The following ZFPM2 variants were observed in gnomAD, a reference collection of about 807,000 sequenced individuals.
The protein encoded by ZFPM2 is zinc finger protein ZFPM2.
Under a neutral mutation model 98.6 loss-of-function variants are expected in ZFPM2, and 20 were observed. The ratio of observed to expected loss-of-function variants is 0.20; its 90% CI spans 0.14 to 0.29. The LOEUF is 0.29. ZFPM2 is among the 10% of genes least tolerant of loss of function. The probability of loss-of-function intolerance (pLI) is 1.00; values close to 1 mark genes in which losing one functional copy is unlikely to be tolerated. For missense variants in ZFPM2, 1,310 were observed against 1,388.6 expected (o/e 0.94, Z 0.90); for synonymous variants, 518 against 502.7 (o/e 1.03, Z -0.41).
At chr8:105,691,057 T>C (rs1030904818) in intron 5 of ZFPM2, 1 of 152,110 alleles carries the variant, frequency 6.6e-6, no homozygotes, top group African/African-American at 2.4e-5. Flanking sequence ...GAAATTCTTA[T>C]TATCCTCTCC....
At chr8:105,602,716 G>T (rs768494382) in intron 4 of ZFPM2, among the ~76,000 whole-genome samples, 3 of 151,912 alleles carry the variant, frequency 2.0e-5, no homozygotes, top group African/African-American at 4.8e-5. Context: ...ACTTGCTTCT[G>T]TTATTCTGGC....
intron 5 of ZFPM2, among the ~76,000 whole-genome samples, chr8:105,757,432 A>T (rs3779779): frequency 0.28 from 41,830 of 152,078 alleles, 7,438 homozygotes; most frequent in African/African-American, 0.49. Flanking sequence ...CCTATATTAA[A>T]GGGAATGTTT....
chr8:105,776,126 A>T (rs530056131), intron 5 of ZFPM2, among the ~76,000 whole-genome samples: 103 of 152,022 alleles, frequency 6.8e-4, no homozygotes, highest in African/African-American at 2.3e-3. Context: ...AATACAAGCC[A>T]CGAAGCAAAA....
Position 105,441,009 on chromosome 8 carries a change from G to A in ZFPM2, c.200-3271G>A, listed in dbSNP as rs1238011432. On this transcript the variant is annotated intron_variant, in intron 2 of 7. Transcript: ENST00000407775. ...TACTAAAAATACAAAAAAAAAATTAGCCAGGCATGGTGGCGCCTGCCTGTA... is the reference window on the plus strand; with the variant it reads ...TACTAAAAATACAAAAAAAAAATTAACCAGGCATGGTGGCGCCTGCCTGTA... Among the ~76,000 whole-genome samples the A allele has an allele frequency of 7.9e-5, 12 of 151,924 alleles. No homozygotes were observed. The East Asian group carries it at 1.9e-3, about 25-fold the overall frequency.
chr8:105,382,194 C>T (rs996866607), intron 1 of ZFPM2, among the ~76,000 whole-genome samples: 6 of 151,960 alleles, frequency 3.9e-5, no homozygotes, highest in Non-Finnish European at 8.8e-5. Flanking sequence ...AATTATACTT[C>T]TATTATTTCT....
chr8:105,672,690 T>C (rs1449492246), intron 5 of ZFPM2, among the ~76,000 whole-genome samples: 1 of 152,170 alleles, frequency 6.6e-6, no homozygotes, highest in Non-Finnish European at 1.5e-5. Flanking sequence ...AAAATTTCAC[T>C]AATATTGCTG....
At chr8:105,696,521 T>C (rs1290576787) in intron 5 of ZFPM2, among the ~76,000 whole-genome samples, 3 of 152,202 alleles carry the variant, frequency 2.0e-5, no homozygotes, top group Admixed American at 6.5e-5. Flanking sequence ...TCCACTTTAT[T>C]TGCTACCAAA....
intron 5 of ZFPM2, among the ~76,000 whole-genome samples, chr8:105,734,056 C>G (rs1290831903): frequency 1.3e-5 from 2 of 151,836 alleles, no homozygotes; most frequent in Non-Finnish European, 2.9e-5. Context: ...GGTATACTGC[C>G]CTTGACTGCC....
intron 1 of ZFPM2, among the ~76,000 whole-genome samples, chr8:105,320,346 C>G (rs140925486): frequency 6.6e-6 from 1 of 151,370 alleles, no homozygotes; most frequent in Admixed American, 6.6e-5. Flanking sequence ...TCGATTCCTT[C>G]TCTTATACTT....
intron 1 of ZFPM2, among the ~76,000 whole-genome samples, chr8:105,362,639 T>A (rs1024279038): frequency 6.6e-6 from 1 of 152,218 alleles, no homozygotes; most frequent in African/African-American, 2.4e-5. Flanking sequence ...GGCATACTTA[T>A]GTTAATAAAA....
At chr8:105,660,193 G>A (rs901586578) in intron 5 of ZFPM2, among the ~76,000 whole-genome samples, 2 of 152,030 alleles carry the variant, frequency 1.3e-5, no homozygotes, top group Non-Finnish European at 2.9e-5. Flanking sequence ...AAGGACCGAG[G>A]CTGTACTGTT....
intron 3 of ZFPM2, among the ~76,000 whole-genome samples, chr8:105,509,759 A>C (rs1813777709): frequency 6.6e-6 from 1 of 152,128 alleles, no homozygotes; most frequent in African/African-American, 2.4e-5. Flanking sequence ...GAGTCATTTA[A>C]GGAAGTGAAG....
At chr8:105,381,975 T>C (rs1175920211) in intron 1 of ZFPM2, among the ~76,000 whole-genome samples, 6 of 152,166 alleles carry the variant, frequency 3.9e-5, no homozygotes, top group Non-Finnish European at 8.8e-5. Context: ...AATTCAAACA[T>C]ATCAATCTGA....
intron 3 of ZFPM2, among the ~76,000 whole-genome samples, chr8:105,557,271 T>C (rs540031976): frequency 6.6e-6 from 1 of 152,270 alleles, no homozygotes; most frequent in East Asian, 1.9e-4. Context: ...TGTATTACCA[T>C]ATACAAGGTG....
intron 4 of ZFPM2, among the ~76,000 whole-genome samples, chr8:105,586,045 A>G (rs62527234): frequency 6.7e-6 from 1 of 149,330 alleles, no homozygotes; most frequent in Non-Finnish European, 1.5e-5. Flanking sequence ...GTGTGTATGC[A>G]CACGTGCTTC....
chr8:105,599,872 C>G (rs971203777), intron 4 of ZFPM2, among the ~76,000 whole-genome samples: 2 of 151,870 alleles, frequency 1.3e-5, no homozygotes, highest in Non-Finnish European at 1.5e-5. Context: ...TGAATGTGCA[C>G]TTTAAAAAAA....
chr8:105,601,776 C>CG (rs1265036004), intron 4 of ZFPM2, among the ~76,000 whole-genome samples: 2 of 151,930 alleles, frequency 1.3e-5, no homozygotes, highest in African/African-American at 4.8e-5. Context: ...CATGGGGGCA[C>CG]GGGCATTAGT....
chr8:105,321,813 C>T (rs1482552931), intron 1 of ZFPM2, among the ~76,000 whole-genome samples: 3 of 152,000 alleles, frequency 2.0e-5, no homozygotes, highest in African/African-American at 7.2e-5. Flanking sequence ...ATCAGAAACC[C>T]GATTATTACC....
intron 5 of ZFPM2, among the ~76,000 whole-genome samples, chr8:105,722,658 C>A (rs1358370336): frequency 6.6e-6 from 1 of 151,710 alleles, no homozygotes; most frequent in African/African-American, 2.4e-5. Context: ...GGAAGTGGGT[C>A]ATCATAAAGG....
Sources: allele counts gnomAD v4.1 joint callset (sites outside exome capture counted in the v4.1 genomes callset), GRCh38; gene constraint gnomAD v4.1.1; transcripts MANE v1.5; gene names NCBI Gene and HGNC (gene_info 2026-07-23, HGNC 2026-07-21).